Variants in TENM2 observed in about 807,000 individuals in gnomAD.
TENM2 encodes the protein teneurin transmembrane protein 2, also known as teneurin-2.
TENM2 carries 52 observed loss-of-function variants against 245.2 expected under a neutral mutation model. That is an observed-to-expected ratio of 0.21 (90% CI 0.17 to 0.27). The LOEUF is 0.27. Among genes scored for constraint, TENM2 ranks in the 10% least tolerant of loss-of-function variants. The pLI is 1.00. For synonymous variants in TENM2, 1,363 were observed against 1,438.9 expected (o/e 0.95, Z 1.19); for missense variants, 3,046 against 3,666.8 (o/e 0.83, Z 4.37).
the TENM2 span, among the ~76,000 whole-genome samples, chr5:167,214,423 C>A: frequency 1.3e-5 from 2 of 152,136 alleles, no homozygotes; most frequent in Admixed American, 1.3e-4. Context: ...AAGCCTTTTG[C>A]GAGCTAATGA....
At chr5:167,702,377 A>C (rs1404664905) in intron 2 of TENM2, among the ~76,000 whole-genome samples, 1 of 151,950 alleles carries the variant, frequency 6.6e-6, no homozygotes, top group African/African-American at 2.4e-5. Context: ...ACGTGTGTCT[A>C]GGTGCTCTCT....
At chr5:167,242,027 T>C in the TENM2 span, among the ~76,000 whole-genome samples, 1 of 151,400 alleles carries the variant, frequency 6.6e-6, no homozygotes, top group Non-Finnish European at 1.5e-5. Flanking sequence ...GTTTTCTTTG[T>C]TTTCTTTTTT....
At chr5:167,327,904 G>A (rs1367036604) in intron 1 of TENM2, among the ~76,000 whole-genome samples, 1 of 152,176 alleles carries the variant, frequency 6.6e-6, no homozygotes, top group Non-Finnish European at 1.5e-5. Context: ...TGACTCTGCG[G>A]GGATAAGAGA....
intron 2 of TENM2, among the ~76,000 whole-genome samples, chr5:167,869,431 AT>A (rs1212906078): frequency 2.0e-5 from 3 of 152,232 alleles, no homozygotes; most frequent in Admixed American, 6.5e-5. Context: ...TGGGTATGTT[AT>A]TCACGTCCCA....
chr5:167,648,049 C>T (rs997799388), intron 2 of TENM2, among the ~76,000 whole-genome samples: 1 of 152,128 alleles, frequency 6.6e-6, no homozygotes, highest in Non-Finnish European at 1.5e-5. Flanking sequence ...GTGCAAATAC[C>T]TTTGTTGAAA....
intron 2 of TENM2, among the ~76,000 whole-genome samples, chr5:167,664,511 T>C (rs1057460351): frequency 1.3e-5 from 2 of 152,160 alleles, no homozygotes; most frequent in African/African-American, 2.4e-5. Flanking sequence ...GGCCCAGATC[T>C]TCTCATCGTC....
the TENM2 span, among the ~76,000 whole-genome samples, chr5:167,080,688 C>CTAGA: frequency 6.6e-6 from 1 of 152,014 alleles, no homozygotes; most frequent in South Asian, 2.1e-4. Flanking sequence ...TGAAAACAAC[C>CTAGA]TAGAATTCTA....
the TENM2 span, among the ~76,000 whole-genome samples, chr5:167,132,519 A>C: frequency 4.6e-5 from 7 of 152,040 alleles, no homozygotes; most frequent in Non-Finnish European, 4.4e-5. Context: ...GAAATGAGAG[A>C]GTCATCTAGA....
At chr5:166,985,083 G>T in the TENM2 span, among the ~76,000 whole-genome samples, 1 of 152,050 alleles carries the variant, frequency 6.6e-6, no homozygotes, top group Non-Finnish European at 1.5e-5. Context: ...TACAAATAAA[G>T]ATTTTTGCTC....
At chr5:167,362,966 A>G (rs573470743) in intron 1 of TENM2, among the ~76,000 whole-genome samples, 3 of 152,300 alleles carry the variant, frequency 2.0e-5, no homozygotes, top group Non-Finnish European at 4.4e-5. Flanking sequence ...TATTTATTGC[A>G]TGTGACCACA....
intron 2 of TENM2, among the ~76,000 whole-genome samples, chr5:167,387,641 G>GT (rs1761517503): frequency 6.6e-6 from 1 of 152,078 alleles, no homozygotes; most frequent in African/African-American, 2.4e-5. Flanking sequence ...TCAGTATTAT[G>GT]TTGGCTGGGG....
the TENM2 span, among the ~76,000 whole-genome samples, chr5:167,021,422 C>T: frequency 5.9e-5 from 9 of 152,308 alleles, no homozygotes; most frequent in East Asian, 1.4e-3. Context: ...TTTCCCATTA[C>T]TTTGTAGAAT....
intron 2 of TENM2, among the ~76,000 whole-genome samples, chr5:167,790,187 C>T (rs190669390): frequency 2.7e-4 from 41 of 152,144 alleles, no homozygotes; most frequent in African/African-American, 9.9e-4. Flanking sequence ...CGTGTCAGTG[C>T]GATTTCTCTG....
chr5:167,324,752 T>C (rs895867448), intron 1 of TENM2, among the ~76,000 whole-genome samples: 1 of 152,154 alleles, frequency 6.6e-6, no homozygotes, highest in Non-Finnish European at 1.5e-5. Context: ...CCTTACAATA[T>C]TACTAATATG....
At chr5:167,815,579 C>T (rs1324821634) in intron 2 of TENM2, among the ~76,000 whole-genome samples, 1 of 152,184 alleles carries the variant, frequency 6.6e-6, no homozygotes, top group Non-Finnish European at 1.5e-5. Flanking sequence ...GTGAACACTT[C>T]TGGGGAATGG....
At chr5:167,964,447 C>T (rs1781239103) in intron 4 of TENM2, among the ~76,000 whole-genome samples, 1 of 152,182 alleles carries the variant, frequency 6.6e-6, no homozygotes, top group Non-Finnish European at 1.5e-5. Flanking sequence ...AAACGGTTTG[C>T]AATTTGCCTT....
chr5:167,702,312 A>G (rs1160934022), intron 2 of TENM2, among the ~76,000 whole-genome samples: 1 of 152,072 alleles, frequency 6.6e-6, no homozygotes, highest in East Asian at 1.9e-4. Context: ...GTAATGAAGG[A>G]TAGAGCTGCT....
At chr5:168,216,673 A>T in intron 21 of TENM2, 95 bp from the exon 24 acceptor site, 1 of 1,214,084 alleles carries the variant, frequency 8.2e-7, no homozygotes, top group Non-Finnish European at 1.2e-6. Flanking sequence ...TCTCTGGTCT[A>T]AGCAGAGTGC....
At chr5:168,196,788 T>C (rs746098396) in intron 15 of TENM2, among the ~76,000 whole-genome samples, 1 of 152,226 alleles carries the variant, frequency 6.6e-6, no homozygotes, top group African/African-American at 2.4e-5. Flanking sequence ...CTGACATCCT[T>C]GAGTCAATTG....
Sources: allele counts gnomAD v4.1 joint callset (sites outside exome capture counted in the v4.1 genomes callset), GRCh38; gene constraint gnomAD v4.1.1; transcripts MANE v1.5; gene names NCBI Gene and HGNC (gene_info 2026-07-23, HGNC 2026-07-21).